The following CDH13 variants were observed in gnomAD, a reference collection of about 807,000 sequenced individuals.
The protein encoded by CDH13 is cadherin-13.
In CDH13, 24 loss-of-function variants were observed where a neutral mutation model predicts 63.8. The ratio of observed to expected loss-of-function variants is 0.38; its 90% CI spans 0.27 to 0.53. CDH13 has a LOEUF of 0.53. Ranked by LOEUF, CDH13 falls within the 20% of genes least tolerant of loss-of-function variation. The pLI, the probability that CDH13 is intolerant of heterozygous loss-of-function variation, is 0.85. For missense variants in CDH13, 1,049 were observed against 903.1 expected, an observed-to-expected ratio of 1.16 and a Z score of -2.07; for synonymous variants, 503 against 355.3, an observed-to-expected ratio of 1.42 and a Z score of -4.67.
At chr16:83,368,937 T>TATATATATACAC (rs1567622155) in intron 6 of CDH13, among the ~76,000 whole-genome samples, 2 of 68,942 alleles carry the variant, frequency 2.9e-5, no homozygotes, top group African/African-American at 1.2e-4. Context: ...TATATATATA[T>TATATATATACAC]ACTAGGTTTT....
chr16:83,067,167 C>T (rs1014758415), intron 3 of CDH13, among the ~76,000 whole-genome samples: 1 of 152,106 alleles, frequency 6.6e-6, no homozygotes, highest in African/African-American at 2.4e-5. Flanking sequence ...GCTCTTATTC[C>T]AAAGAGCAGC....
intron 1 of CDH13, among the ~76,000 whole-genome samples, chr16:82,668,826 G>A (rs1020755617): frequency 2.0e-5 from 3 of 152,220 alleles, no homozygotes; most frequent in African/African-American, 7.2e-5. Context: ...GACGATGTCA[G>A]AGAGGGGCTG....
chr16:83,372,047 C>T (rs943329308), intron 6 of CDH13, among the ~76,000 whole-genome samples: 1 of 152,210 alleles, frequency 6.6e-6, no homozygotes, highest in Non-Finnish European at 1.5e-5. Flanking sequence ...CGAGATGCTT[C>T]CTGATTTGAA....
At chr16:83,306,670 G>A (rs2089887516) in intron 5 of CDH13, among the ~76,000 whole-genome samples, 1 of 152,130 alleles carries the variant, frequency 6.6e-6, no homozygotes, top group African/African-American at 2.4e-5. Flanking sequence ...AGACTATAGG[G>A]GTAGCACAGA....
chr16:83,395,407 G>C (rs1474641309), intron 6 of CDH13, among the ~76,000 whole-genome samples: 1 of 152,126 alleles, frequency 6.6e-6, no homozygotes, highest in East Asian at 1.9e-4. Context: ...CTGTTTGCCA[G>C]TGGTCATCCT....
intron 6 of CDH13, among the ~76,000 whole-genome samples, chr16:83,415,152 A>AAT (rs1211972779): frequency 6.6e-6 from 1 of 151,926 alleles, no homozygotes; most frequent in East Asian, 1.9e-4. Flanking sequence ...TGCCAAAAAA[A>AAT]ATGAAAAAAA....
At chr16:83,546,896 G>C (rs1326101447) in intron 7 of CDH13, among the ~76,000 whole-genome samples, 1 of 152,148 alleles carries the variant, frequency 6.6e-6, no homozygotes, top group African/African-American at 2.4e-5. Flanking sequence ...CACACAGTAG[G>C]TACTCTGAAA....
At chr16:82,951,786 T>C (rs1905331551) in intron 2 of CDH13, among the ~76,000 whole-genome samples, 1 of 152,172 alleles carries the variant, frequency 6.6e-6, no homozygotes, top group African/African-American at 2.4e-5. Flanking sequence ...TTCAAGGACA[T>C]AAATTCACAC....
At chr16:83,139,209 A>T (rs1451988866) in intron 4 of CDH13, among the ~76,000 whole-genome samples, 1 of 152,150 alleles carries the variant, frequency 6.6e-6, no homozygotes, top group East Asian at 1.9e-4. Context: ...TCTTGGAAAG[A>T]CGGATTCATT....
At chr16:82,655,331 A>C (rs1278851023) in intron 1 of CDH13, among the ~76,000 whole-genome samples, 1 of 152,186 alleles carries the variant, frequency 6.6e-6, no homozygotes, top group Non-Finnish European at 1.5e-5. Context: ...TCCTTGTGAT[A>C]GGGGTTGGGG....
chr16:82,955,631 G>T (rs951660122), intron 2 of CDH13, among the ~76,000 whole-genome samples: 2 of 152,204 alleles, frequency 1.3e-5, no homozygotes, highest in Non-Finnish European at 2.9e-5. Context: ...CAGTCACTGT[G>T]TTAGGTGCTG....
intron 6 of CDH13, among the ~76,000 whole-genome samples, chr16:83,345,292 T>C (rs2090816652): frequency 6.6e-6 from 1 of 152,230 alleles, no homozygotes; most frequent in Non-Finnish European, 1.5e-5. Context: ...CATGTAAATA[T>C]CCAGCTTACC....
At chr16:83,022,337 T>C (rs1156703494) in intron 2 of CDH13, among the ~76,000 whole-genome samples, 1 of 152,200 alleles carries the variant, frequency 6.6e-6, no homozygotes, top group African/African-American at 2.4e-5. Flanking sequence ...GCTGGGTCTC[T>C]CCATCTCAGG....
chr16:82,637,094 A>C (rs975177054), intron 1 of CDH13, among the ~76,000 whole-genome samples: 1 of 152,190 alleles, frequency 6.6e-6, no homozygotes, highest in African/African-American at 2.4e-5. Context: ...AGATTATCTA[A>C]ATCATTATCA....
rs1433770669 is a variant in CDH13 at position 83,309,613 on chromosome 16, G to T, written c.637-35249G>T. Among the ~76,000 whole-genome samples the T allele has an allele frequency of 2.6e-5, 4 of 152,056 alleles. No homozygotes were observed. In the East Asian group the frequency reaches 7.8e-4, roughly 29 times the overall value. On this transcript the variant is annotated intron_variant, in intron 5 of 13. Coordinates refer to ENST00000567109, the MANE Select transcript of CDH13 (RefSeq NM_001257.5). ...GCTGATCTCGAACTCCTGACCTCGT[G>T]ATCCACCCACCTTGGCCTCCCCAAG...
At chr16:83,087,681 A>G (rs1486054318) in intron 3 of CDH13, among the ~76,000 whole-genome samples, 1 of 148,984 alleles carries the variant, frequency 6.7e-6, no homozygotes, top group Non-Finnish European at 1.5e-5. Flanking sequence ...CAAAAAAAAA[A>G]AAAAAAAAAA....
At position 82,934,913 on chromosome 16, in the gene CDH13, A is replaced by C. The variant is rs534808879; in HGVS notation, c.157+76440A>C. On this transcript the variant is annotated intron_variant, in intron 2 of 13. Coordinates refer to ENST00000567109, the MANE Select transcript of CDH13 (RefSeq NM_001257.5). ...AAGTATCTAGTAAGTTCCAAACTTT[A>C]CCACATTTTCCTGTGTTCTTCTGAG... 3.3e-5 allele frequency among the ~76,000 whole-genome samples: 5 copies of C among 152,290 alleles called. No individual in the cohort carries two copies. The East Asian group carries it at 9.7e-4, about 29-fold the overall frequency.
At chr16:83,296,636 C>T (rs775647195) in intron 5 of CDH13, among the ~76,000 whole-genome samples, 1 of 152,190 alleles carries the variant, frequency 6.6e-6, no homozygotes, top group African/African-American at 2.4e-5. Context: ...AGTACACACA[C>T]ACACACATAA....
At chr16:83,098,378 A>T (rs1422292999) in intron 3 of CDH13, among the ~76,000 whole-genome samples, 1 of 152,184 alleles carries the variant, frequency 6.6e-6, no homozygotes, top group African/African-American at 2.4e-5. Context: ...TTTTTACTTT[A>T]AACAATCAAT....
Sources: gnomAD v4.1 joint callset for allele counts (sites outside exome capture counted in the v4.1 genomes callset) on GRCh38, gnomAD v4.1.1 for gene constraint, MANE v1.5 for transcripts, NCBI Gene and HGNC (gene_info 2026-07-23, HGNC 2026-07-21) for gene names.